The following MAS1 variants were observed in gnomAD, a reference collection of about 807,000 sequenced individuals.
MAS1 encodes the protein proto-oncogene Mas.
For missense variants in MAS1, 387 were observed against 409.7 expected (o/e 0.94, Z 0.48); for synonymous variants, 163 against 164.2 (o/e 0.99, Z 0.05).
At chr6:159,895,597 A>T (rs974074070) in intron 1 of MAS1, among the ~76,000 whole-genome samples, 13 of 152,252 alleles carry the variant, frequency 8.5e-5, no homozygotes, top group Non-Finnish European at 1.3e-4. Context: ...CCATCAAAAA[A>T]TACAAGTAAC....
In MAS1 at chr6:159,907,746, T is replaced by G. The variant is rs534430098; in HGVS notation, c.791T>G (p.Ile264Ser). ...YWSTFGNLHH[I>S]SLLFSTINSS... ...TCGACCTTTGGGAACCTACACCACA[T>G]TTCCCTGCTCTTCTCCACAATCAAC... Residue 264 changes from isoleucine to serine, a missense_variant, in exon 3 of 3, where the codon ATT becomes AGT. Ile to Ser is a moderately radical substitution (Grantham distance 142). Coordinates refer to ENST00000674077, the MANE Select transcript of MAS1 (RefSeq NM_002377.4). 2 of 1,613,802 alleles carry G rather than the reference T, an allele frequency of 1.2e-6. No homozygotes were observed. The highest frequency in any genetic ancestry group is 2.2e-5 in the East Asian group (1 of 44,836).
intron 2 of MAS1, among the ~76,000 whole-genome samples, chr6:159,901,488 G>T (rs903440807): frequency 2.6e-5 from 4 of 152,098 alleles, no homozygotes; most frequent in Non-Finnish European, 4.4e-5. Context: ...TGTCCTAGCT[G>T]TTCAGGAGGC....
rs1323847441 is a variant in MAS1, at chr6:159,914,452, C to A, written c.*6519C>A. The A allele has an allele frequency of 3.3e-5, 5 of 152,214 alleles. No homozygotes were observed. Among genetic ancestry groups the A allele is most frequent in the African/African-American group, 1.2e-4 (5 of 41,446 alleles). The allele number at this position is 152,214 out of a possible 1,614,324, so 9.4% of individuals were successfully genotyped here. On this transcript the variant is annotated 3_prime_UTR_variant, in exon 3 of 3. Transcript: ENST00000674077. ...TTCTGAGTGAGACTTGCGGTGAGCA[C>A]TGGAACTTAAACATTGCCCTGGAAC... is the stretch of plus-strand genomic sequence containing the variant.
rs1443523977 is a variant in MAS1 at position 159,912,997 on chromosome 6, G to T, written c.*5064G>T. 1 of 152,196 alleles carries T rather than the reference G, an allele frequency of 6.6e-6. No individual in the cohort carries two copies. The highest frequency in any genetic ancestry group is 2.4e-5 in the African/African-American group (1 of 41,446). The allele number at this position is 152,196 out of a possible 1,614,324, so 9.4% of individuals were successfully genotyped here. On this transcript the variant is annotated 3_prime_UTR_variant, in exon 3 of 3. Coordinates refer to ENST00000674077, the MANE Select transcript of MAS1 (RefSeq NM_002377.4). The stretch of plus-strand genomic sequence containing the variant: ...TTGAAGAGAGGCTCTTGGGAAAACT[G>T]CTGAAGTCTTTAGATATTTTTGCAA...
upstream of MAS1, among the ~76,000 whole-genome samples, chr6:159,889,636 G>T (rs564862949): frequency 6.6e-6 from 1 of 152,240 alleles, no homozygotes; most frequent in African/African-American, 2.4e-5. Context: ...TTTAGTTTCT[G>T]ACCATCCTCT....
chr6:159,897,020 T>C (rs1056548354), intron 1 of MAS1, among the ~76,000 whole-genome samples: 8 of 152,186 alleles, frequency 5.3e-5, no homozygotes, highest in African/African-American at 1.4e-4. Flanking sequence ...ACTACAGGCG[T>C]CCGCCACCAC....
Position 159,916,433 on chromosome 6 carries a change from C to G in MAS1, c.*8500C>G, listed in dbSNP as rs534648024. 6.6e-5 allele frequency: 10 copies of G among 152,310 alleles called. No individual in the cohort carries two copies. Among genetic ancestry groups the G allele is most frequent in the African/African-American group, 2.4e-4 (10 of 41,552 alleles). The allele number at this position is 152,310 out of a possible 1,614,324, so 9.4% of individuals were successfully genotyped here. On this transcript the variant is annotated 3_prime_UTR_variant, in exon 3 of 3. Transcript: ENST00000674077. ...TGGGGATCTATTGCACAACAATGGA[C>G]ATGTAGCTAACCCCACTGTACTGTA...
rs193106420 is a variant in MAS1, at chr6:159,913,528, T to A, written c.*5595T>A. 6.6e-6 allele frequency: 1 copy of A among 152,290 alleles called. No individual in the cohort carries two copies. The highest frequency in any genetic ancestry group is 1.5e-5 in the Non-Finnish European group (1 of 68,036). 9.4% of individuals were successfully genotyped at this position (152,290 alleles called of 1,614,324 possible). ...CTGAGGCAGAAGCCACCTGAAGGCTTGACTAGGCAGGGCAATCGAGGTGGT... is the reference window on the plus strand; with the variant it reads ...CTGAGGCAGAAGCCACCTGAAGGCTAGACTAGGCAGGGCAATCGAGGTGGT... On this transcript the variant is annotated 3_prime_UTR_variant, in exon 3 of 3. Coordinates refer to ENST00000674077, the MANE Select transcript of MAS1 (RefSeq NM_002377.4).
intron 2 of MAS1, 180 bp from the exon 3 acceptor site, chr6:159,906,740 C>G: frequency 1.9e-6 from 1 of 528,364 alleles, no homozygotes; most frequent in South Asian, 2.6e-5. Flanking sequence ...GGTCTAAGTT[C>G]CTTTCTTATC....
chr6:159,906,771 TATC>T, intron 2 of MAS1, 146 bp from the exon 3 acceptor site: 1 of 628,006 alleles, frequency 1.6e-6, no homozygotes, highest in South Asian at 2.2e-5. Flanking sequence ...GGCCTAATCT[TATC>T]ATTGTGACAA....
At chr6:159,894,797 A>G (rs1188837898) in intron 1 of MAS1, among the ~76,000 whole-genome samples, 1 of 152,216 alleles carries the variant, frequency 6.6e-6, no homozygotes, top group Non-Finnish European at 1.5e-5. Flanking sequence ...ATGGTGAAGC[A>G]TGGTGTCCTT....
rs1783011237 is a variant in MAS1, at chr6:159,915,421, C to T, written c.*7488C>T. The stretch of plus-strand genomic sequence containing the variant: ...GACTAGTTCACTGAGTATAACGTTT[C>T]TACAGAGCAGTCTGATTGAGGTCTT... On this transcript the variant is annotated 3_prime_UTR_variant, in exon 3 of 3. Coordinates refer to ENST00000674077, the MANE Select transcript of MAS1 (RefSeq NM_002377.4). The T allele has an allele frequency of 6.6e-6, 1 of 152,242 alleles. No individual in the cohort carries two copies. Among genetic ancestry groups the T allele is most frequent in the African/African-American group, 2.4e-5 (1 of 41,458 alleles). 9.4% of individuals were successfully genotyped at this position (152,242 alleles called of 1,614,324 possible). A position where few individuals can be genotyped will look rare whatever the true frequency, so the allele number is the denominator to read the frequency against.
Position 159,916,956 on chromosome 6 carries a change from C to A in MAS1, c.*9023C>A, listed in dbSNP as rs1294952088. Among the ~76,000 whole-genome samples the A allele has an allele frequency of 1.3e-5, 2 of 152,358 alleles. No homozygotes were observed. Among genetic ancestry groups the A allele is most frequent in the Non-Finnish European group, 2.9e-5 (2 of 68,028 alleles). ...AATTTTCATGTCATAGAAATTCTTT[C>A]TTTTCCCCTTCAACCATTTAAAAAT... On this transcript the variant is annotated 3_prime_UTR_variant, in exon 3 of 3. Coordinates refer to ENST00000674077, the MANE Select transcript of MAS1 (RefSeq NM_002377.4).
rs1164110521 is a variant in MAS1, at chr6:159,910,211, T to C, written c.*2278T>C. On this transcript the variant is annotated 3_prime_UTR_variant, in exon 3 of 3. Transcript: ENST00000674077. ...GTCCTAACTGAACGGGAAGGGTTTG[T>C]AGCATTCCTACTACAAAGATTCATG... The C allele has an allele frequency of 1.3e-5, 2 of 152,238 alleles. No homozygotes were observed. Among genetic ancestry groups the C allele is most frequent in the Non-Finnish European group, 1.5e-5 (1 of 68,044 alleles). The allele number at this position is 152,238 out of a possible 1,614,324, so 9.4% of individuals were successfully genotyped here.
chr6:159,906,450 A>G (rs762154218), intron 2 of MAS1, among the ~76,000 whole-genome samples: 43 of 152,268 alleles, frequency 2.8e-4, no homozygotes, highest in Non-Finnish European at 5.0e-4. Context: ...AAAAAATGAC[A>G]GTGGCAGCAT....
Position 159,907,364 on chromosome 6 carries a change from C to G in MAS1, c.409C>G (p.Pro137Ala). Reference sequence around the variant, plus strand: ...GGAGAGGTGCCTGTCAGTCCTTTACCCCATCTGGTACCGATGCCATCGCCC... The same window carrying G: ...GGAGAGGTGCCTGTCAGTCCTTTACGCCATCTGGTACCGATGCCATCGCCC... The part of the protein sequence containing the change: ...SVERCLSVLY[P>A]IWYRCHRPKY... Residue 137 changes from proline (P) to alanine (A), a missense_variant, in exon 3 of 3, where the codon CCC becomes GCC. Transcript: ENST00000674077. 6.2e-7 allele frequency: 1 copy of G among 1,614,130 alleles called. No individual in the cohort carries two copies. Among genetic ancestry groups the G allele is most frequent in the Non-Finnish European group, 8.5e-7 (1 of 1,180,028 alleles).
upstream of MAS1, among the ~76,000 whole-genome samples, chr6:159,889,480 C>T (rs117941373): frequency 5.2e-3 from 789 of 152,328 alleles, 6 homozygotes; most frequent in Non-Finnish European, 6.1e-3. Context: ...CCTTCGGGAT[C>T]AATTCCTCCC....
chr6:159,906,452 TG>T (rs1460638580), intron 2 of MAS1, among the ~76,000 whole-genome samples: 5 of 152,260 alleles, frequency 3.3e-5, no homozygotes, highest in African/African-American at 1.2e-4. Context: ...AAAATGACAG[TG>T]GCAGCATTGC....
At position 159,898,745 on chromosome 6, in the gene MAS1, C is replaced by T. The variant is rs180839240; in HGVS notation, c.-243-441C>T. On this transcript the variant is annotated intron_variant, in intron 1 of 2. Transcript: ENST00000674077. ...CCTCCTCCCTCTTCCTCCTCCTCCT[C>T]GTTCCTTCTCCTTCTCCCTGCTTCT... is the stretch of plus-strand genomic sequence containing the variant. Among the ~76,000 whole-genome samples the T allele has an allele frequency of 2.6e-3, 210 of 80,358 alleles. 1 individual carries two copies. Among genetic ancestry groups the T allele is most frequent in the Admixed American group, 8.8e-3 (56 of 6,376 alleles). 52.7% of individuals were successfully genotyped at this position (80,358 alleles called of 152,430 possible). A position where few individuals can be genotyped will look rare whatever the true frequency, so the allele number is the denominator to read the frequency against.
Sources: gnomAD v4.1 joint callset for allele counts (sites outside exome capture counted in the v4.1 genomes callset) on GRCh38, gnomAD v4.1.1 for gene constraint, MANE v1.5 for transcripts, NCBI Gene and HGNC (gene_info 2026-07-23, HGNC 2026-07-21) for gene names.